Variants in MTPN observed in about 807,000 individuals in gnomAD.
The protein encoded by MTPN is granule cell differentiation protein.
MTPN carries 2 observed loss-of-function variants against 13.5 expected under a neutral mutation model. The observed-to-expected ratio is 0.15, with a 90% confidence interval of 0.06 to 0.47. The LOEUF is 0.47. Among genes scored for constraint, MTPN ranks in the 20% least tolerant of loss-of-function variants. The pLI is 0.97. For missense variants in MTPN, 79 were observed against 137.9 expected (o/e 0.57, Z 2.14); for synonymous variants, 46 against 51.7 (o/e 0.89, Z 0.48).
chr7:135,966,939 CT>C (rs1485885450), intron 1 of MTPN, among the ~76,000 whole-genome samples: 6 of 152,254 alleles, frequency 3.9e-5, no homozygotes, highest in Non-Finnish European at 5.9e-5. Context: ...ACTATAAGCA[CT>C]GTAGCTTAAA....
At chr7:135,954,276 C>T (rs762620818) in intron 1 of MTPN, among the ~76,000 whole-genome samples, 1 of 152,190 alleles carries the variant, frequency 6.6e-6, no homozygotes, top group Non-Finnish European at 1.5e-5. Flanking sequence ...ATTCCTGGTA[C>T]TGGCTTATAC....
intron 3 of MTPN, 32 bp from the exon 4 acceptor site, chr7:135,930,044 A>G: frequency 7.9e-6 from 11 of 1,385,230 alleles, no homozygotes; most frequent in Non-Finnish European, 1.1e-5. Context: ...TCATTAAATG[A>G]GCCCACAACT....
intron 3 of MTPN, among the ~76,000 whole-genome samples, chr7:135,936,640 C>G (rs1799118756): frequency 6.6e-6 from 1 of 152,208 alleles, no homozygotes; most frequent in South Asian, 2.1e-4. Context: ...TACTAGCACA[C>G]TATATAACAT....
At position 135,977,033 on chromosome 7, in the gene MTPN, G is replaced by A. The variant is rs1799786739; in HGVS notation, c.68C>T (p.Ala23Val). ...GDLDEVKDYV[A>V]KGEDVNRTLE... ...ACTCTTCTCATCCCCGCTTACCTTG[G>A]CCACATAGTCTTTCACCTCATCCAA... The change falls in exon 1 of 4, where the codon GCC becomes GTC. Residue 23 changes from alanine to valine, a missense_variant. By Grantham distance (64) the Ala-to-Val change is moderately conservative. Transcript: ENST00000393085. 1 of 1,613,840 alleles carries A rather than the reference G, an allele frequency of 6.2e-7. No individual in the cohort carries two copies. Among genetic ancestry groups the A allele is most frequent in the Non-Finnish European group, 8.5e-7 (1 of 1,179,938 alleles).
At chr7:135,976,948 CAG>C in intron 1 of MTPN, 79 bp downstream of exon 1, 2 of 1,048,340 alleles carry the variant, frequency 1.9e-6, no homozygotes, top group Non-Finnish European at 3.0e-6. Context: ...CCCATCCCCG[CAG>C]TCCAGCTCCC....
intron 1 of MTPN, 131 bp from the exon 2 acceptor site, chr7:135,951,761 T>C: frequency 1.8e-6 from 1 of 560,146 alleles, no homozygotes; most frequent in Non-Finnish European, 3.1e-6. Flanking sequence ...TCTTGCAAAA[T>C]AAAATAACCA....
chr7:135,956,714 T>C (rs550600814), intron 1 of MTPN, among the ~76,000 whole-genome samples: 42 of 152,118 alleles, frequency 2.8e-4, no homozygotes, highest in Non-Finnish European at 3.8e-4. Context: ...TGGGGAAAAC[T>C]TCATGTTTCT....
At chr7:135,938,816 G>GT (rs1161205902) in intron 3 of MTPN, among the ~76,000 whole-genome samples, 2 of 152,198 alleles carry the variant, frequency 1.3e-5, no homozygotes, top group African/African-American at 2.4e-5. Flanking sequence ...CTTAGCTAGT[G>GT]TAAGGACAAT....
At chr7:135,960,665 T>C (rs1799507545) in intron 1 of MTPN, 1 of 151,914 alleles carries the variant, frequency 6.6e-6, no homozygotes, top group South Asian at 2.1e-4. Context: ...AGGAAATACA[T>C]ACCTCTGAAA....
At chr7:135,961,653 C>T (rs915868462) in intron 1 of MTPN, among the ~76,000 whole-genome samples, 3 of 151,824 alleles carry the variant, frequency 2.0e-5, no homozygotes, top group African/African-American at 7.3e-5. Flanking sequence ...AGGCTCTTAA[C>T]ATCAAATTTA....
At chr7:135,974,389 A>G (rs555829182) in intron 1 of MTPN, among the ~76,000 whole-genome samples, 1 of 152,172 alleles carries the variant, frequency 6.6e-6, no homozygotes, top group East Asian at 1.9e-4. Context: ...ACAAAAAATA[A>G]AATTTGCTGG....
intron 3 of MTPN, 113 bp from the exon 4 acceptor site, chr7:135,930,125 T>C (rs1798995042): frequency 1.1e-6 from 1 of 895,950 alleles, no homozygotes; most frequent in Non-Finnish European, 1.8e-6. Context: ...AAAATTCCTT[T>C]ACTAGTGGAG....
chr7:135,951,726 A>G, intron 1 of MTPN, 96 bp from the exon 2 acceptor site: 1 of 717,538 alleles, frequency 1.4e-6, no homozygotes, highest in South Asian at 2.4e-5. Context: ...TAAAGCCGTG[A>G]GAGTTTCATG....
chr7:135,950,126 C>G (rs1799341911), intron 3 of MTPN, among the ~76,000 whole-genome samples: 1 of 152,162 alleles, frequency 6.6e-6, no homozygotes, highest in South Asian at 2.1e-4. Flanking sequence ...ACCACTATCT[C>G]AAGCATATCA....
intron 1 of MTPN, among the ~76,000 whole-genome samples, chr7:135,969,396 T>C (rs1448192659): frequency 6.6e-6 from 1 of 151,830 alleles, no homozygotes; most frequent in African/African-American, 2.4e-5. Flanking sequence ...GCCATTCTAA[T>C]AGTTATAATG....
chr7:135,944,768 T>C (rs1799265249), intron 3 of MTPN, among the ~76,000 whole-genome samples: 2 of 152,344 alleles, frequency 1.3e-5, no homozygotes, highest in South Asian at 2.1e-4. Flanking sequence ...AGATGTCCAA[T>C]TATATGTAAC....
At chr7:135,944,815 G>A (rs938103954) in intron 3 of MTPN, among the ~76,000 whole-genome samples, 5 of 152,128 alleles carry the variant, frequency 3.3e-5, no homozygotes, top group Admixed American at 1.3e-4. Context: ...ATCTGTAGGA[G>A]ACATATTTCA....
At chr7:135,930,285 C>G (rs1030388584) in intron 3 of MTPN, among the ~76,000 whole-genome samples, 1 of 152,060 alleles carries the variant, frequency 6.6e-6, no homozygotes, top group Admixed American at 6.5e-5. Context: ...AGGAAGAGCA[C>G]GTTGAGCAAG....
chr7:135,969,936 A>C (rs1008190182), intron 1 of MTPN, among the ~76,000 whole-genome samples: 2 of 152,212 alleles, frequency 1.3e-5, no homozygotes, highest in Non-Finnish European at 2.9e-5. Flanking sequence ...GATGATGCCC[A>C]GTGCTGTTGA....
Sources: allele counts gnomAD v4.1 joint callset (sites outside exome capture counted in the v4.1 genomes callset), GRCh38; gene constraint gnomAD v4.1.1; transcripts MANE v1.5; gene names NCBI Gene and HGNC (gene_info 2026-07-23, HGNC 2026-07-21).